PCDHA13: variants seen among roughly 807,000 people sequenced by gnomAD.
PCDHA13 encodes the protein protocadherin alpha 13, also known as protocadherin alpha-13.
PCDHA13 carries 54 observed loss-of-function variants against 64.8 expected under a neutral mutation model. The ratio of observed to expected loss-of-function variants is 0.83; its 90% CI spans 0.67 to 1.04. The LOEUF (loss-of-function observed/expected upper bound fraction) is 1.04. Ranked by LOEUF, PCDHA13 falls within the 50% of genes least tolerant of loss-of-function variation. PCDHA13 has a pLI of 0.00. For synonymous variants in PCDHA13, 587 were observed against 564.4 expected (o/e 1.04, Z -0.57); for missense variants, 1,248 against 1,254.3 (o/e 0.99, Z 0.08).
At chr5:140,992,807 C>G (rs781970284) in intron 3 of PCDHA13, among the ~76,000 whole-genome samples, 6 of 152,108 alleles carry the variant, frequency 3.9e-5, no homozygotes, top group Non-Finnish European at 4.4e-5. Flanking sequence ...CCATATGTAT[C>G]TAAGGATGTG....
intron 1 of PCDHA13, among the ~76,000 whole-genome samples, chr5:140,972,660 A>ATTTTT (rs11350929): frequency 8.5e-5 from 10 of 117,262 alleles, no homozygotes; most frequent in Non-Finnish European, 1.6e-4. Context: ...AAGAAACCAA[A>ATTTTT]TTTTTTTTTT....
chr5:140,893,048 T>C (rs1462017776), intron 1 of PCDHA13, among the ~76,000 whole-genome samples: 1 of 152,250 alleles, frequency 6.6e-6, no homozygotes, highest in Non-Finnish European at 1.5e-5. Flanking sequence ...CCCTCCAGGC[T>C]CAGCCATACT....
In PCDHA13 at chr5:140,917,987, A is replaced by G. The variant is rs140618239; in HGVS notation, c.2394+33325A>G. 3.9e-3 allele frequency among the ~76,000 whole-genome samples: 598 copies of G among 152,198 alleles called. 2 individuals are homozygous for G. The highest frequency in any genetic ancestry group is 5.9e-3 in the Admixed American group (90 of 15,276). ...GAATCTGTGAATTGCTTTGGACAGT[A>G]TGGTTATCTTAACAATGTTGTTTCT... On this transcript the variant is annotated intron_variant, in intron 1 of 3. Coordinates refer to ENST00000289272, the MANE Select transcript of PCDHA13 (RefSeq NM_018904.3).
At chr5:140,948,903 CTTAGGTAACTGA>C (rs1213410342) in intron 1 of PCDHA13, among the ~76,000 whole-genome samples, 1 of 151,196 alleles carries the variant, frequency 6.6e-6, no homozygotes, top group Non-Finnish European at 1.5e-5. Context: ...TAAGTGGATT[CTTAGGTAACTGA>C]TTAGGTAACT....
chr5:140,919,593 T>A (rs541275874), intron 1 of PCDHA13, among the ~76,000 whole-genome samples: 1 of 152,332 alleles, frequency 6.6e-6, no homozygotes, highest in South Asian at 2.1e-4. Flanking sequence ...TGGTAATTTT[T>A]AAAATAAATT....
intron 1 of PCDHA13, among the ~76,000 whole-genome samples, chr5:140,941,562 G>A (rs1032844993): frequency 1.3e-5 from 2 of 151,596 alleles, no homozygotes; most frequent in African/African-American, 2.4e-5. Flanking sequence ...TGATCCATTC[G>A]CCTCAGCCTC....
At chr5:140,948,764 G>A (rs962710607) in intron 1 of PCDHA13, among the ~76,000 whole-genome samples, 11 of 150,728 alleles carry the variant, frequency 7.3e-5, no homozygotes, top group East Asian at 3.9e-4. Context: ...GATTTTTTTC[G>A]AATAGCCAGC....
At chr5:140,965,496 A>AT (rs71766133) in intron 1 of PCDHA13, among the ~76,000 whole-genome samples, 6,292 of 146,438 alleles carry the variant, frequency 0.043, 368 homozygotes, top group African/African-American at 0.14. Flanking sequence ...ATGACAGCAG[A>AT]TTTTTTTTTT....
chr5:140,985,233 G>C (rs1447323173), intron 3 of PCDHA13, among the ~76,000 whole-genome samples: 4 of 152,084 alleles, frequency 2.6e-5, no homozygotes, highest in Non-Finnish European at 5.9e-5. Flanking sequence ...CACCGCGCCT[G>C]GCCTAATCTT....
In PCDHA13 at chr5:140,917,150, G is replaced by A. The variant is rs535773024; in HGVS notation, c.2394+32488G>A. Among the ~76,000 whole-genome samples the A allele has an allele frequency of 2.0e-5, 3 of 152,324 alleles. No individual in the cohort carries two copies. In the South Asian group the frequency reaches 6.2e-4, roughly 32 times the overall value. On this transcript the variant is annotated intron_variant, in intron 1 of 3. Transcript: ENST00000289272. ...CCCCACGTTGCTCAGCTGCTGCTGG[G>A]GGATATGGGAGGGGTGATGGTGGTG...
chr5:140,884,792 G>A, intron 1 of PCDHA13, 130 bp downstream of exon 1: 1 of 1,312,776 alleles, frequency 7.6e-7, no homozygotes. Flanking sequence ...AGTTGTTATC[G>A]AATTTAACAA....
chr5:140,935,527 C>G (rs956168876), intron 1 of PCDHA13, among the ~76,000 whole-genome samples: 4 of 152,172 alleles, frequency 2.6e-5, no homozygotes, highest in Non-Finnish European at 5.9e-5. Context: ...CATGTACAGT[C>G]AAATTATTGT....
chr5:140,972,660 ATTTTTTTTT>A (rs11350929), intron 1 of PCDHA13, among the ~76,000 whole-genome samples: 1 of 117,268 alleles, frequency 8.5e-6, no homozygotes, highest in Non-Finnish European at 1.7e-5. Flanking sequence ...AAGAAACCAA[ATTTTTTTTT>A]TTTTTTTTTT....
At chr5:140,893,888 G>A (rs1182777052) in intron 1 of PCDHA13, among the ~76,000 whole-genome samples, 1 of 152,128 alleles carries the variant, frequency 6.6e-6, no homozygotes, top group Non-Finnish European at 1.5e-5. Context: ...TGGCCAGAAA[G>A]TTACTTTACC....
chr5:140,965,796 A>AT (rs1377584212), intron 1 of PCDHA13, among the ~76,000 whole-genome samples: 2 of 152,134 alleles, frequency 1.3e-5, no homozygotes, highest in Non-Finnish European at 2.9e-5. Flanking sequence ...CATGGAGACT[A>AT]TTTTTTTAAA....
At chr5:140,977,813 C>T (rs1347788650) in intron 1 of PCDHA13, among the ~76,000 whole-genome samples, 1 of 152,192 alleles carries the variant, frequency 6.6e-6, no homozygotes, top group Non-Finnish European at 1.5e-5. Flanking sequence ...GAATTATTGA[C>T]AGTTTTGAAT....
chr5:140,969,781 A>G (rs1017019880), intron 1 of PCDHA13, among the ~76,000 whole-genome samples: 3 of 152,336 alleles, frequency 2.0e-5, no homozygotes, highest in East Asian at 1.9e-4. Flanking sequence ...AGGGGCTATC[A>G]TAGTCACCAC....
intron 1 of PCDHA13, among the ~76,000 whole-genome samples, chr5:140,890,116 G>A (rs1290402695): frequency 6.6e-6 from 1 of 152,142 alleles, no homozygotes; most frequent in East Asian, 1.9e-4. Flanking sequence ...ATTCAATGAT[G>A]TCACTTTGGT....
intron 1 of PCDHA13, among the ~76,000 whole-genome samples, chr5:140,953,847 A>G (rs1165540937): frequency 6.6e-6 from 1 of 152,200 alleles, no homozygotes. Flanking sequence ...CCAGGTAAAC[A>G]TGTGCCATGG....
Sources: gnomAD v4.1 joint callset for allele counts (sites outside exome capture counted in the v4.1 genomes callset) on GRCh38, gnomAD v4.1.1 for gene constraint, MANE v1.5 for transcripts, NCBI Gene and HGNC (gene_info 2026-07-23, HGNC 2026-07-21) for gene names.